Variants in DOHH observed in about 807,000 individuals in gnomAD.
DOHH encodes deoxyhypusine hydroxylase.
A neutral mutation model predicts 19.9 loss-of-function variants in DOHH; 16 were observed. That is an observed-to-expected ratio of 0.80 (90% CI 0.54 to 1.22). DOHH has a LOEUF of 1.22. Among genes scored for constraint, DOHH ranks in the 50% most tolerant of loss-of-function variants. The pLI is 0.00. For synonymous variants in DOHH, 233 were observed against 217.0 expected (o/e 1.07, Z -0.65); for missense variants, 460 against 460.6 (o/e 1.00, Z 0.01).
chr19:3,497,035 C>T (rs2082914337), intron 1 of DOHH, 149 bp from the exon 2 acceptor site: 1 of 494,150 alleles, frequency 2.0e-6, no homozygotes, highest in Non-Finnish European at 3.3e-6. Flanking sequence ...ACTAGCTGTG[C>T]AGCCTTCCGT....
chr19:3,492,215 C>G (rs919477799), intron 4 of DOHH, 47 bp downstream of exon 4: 6 of 1,405,362 alleles, frequency 4.3e-6, no homozygotes, highest in Non-Finnish European at 5.5e-6. Flanking sequence ...CACTGAACCT[C>G]ACAGCGAGGC....
intron 3 of DOHH, among the ~76,000 whole-genome samples, chr19:3,492,777 G>A (rs369549125): frequency 1.4e-4 from 21 of 152,170 alleles, no homozygotes; most frequent in Non-Finnish European, 2.5e-4. Context: ...GGGAAGCAGC[G>A]GTGGAAAGGC....
chr19:3,496,757 G>T lies in DOHH; in HGVS notation c.58C>A (p.Pro20Thr). Residue 20 changes from proline (P) to threonine (T), a missense_variant, in exon 2 of 5, where the codon CCC becomes ACC. By Grantham distance (38) the Pro-to-Thr change is conservative (BLOSUM62 -1). Coordinates refer to ENST00000427575, the MANE Select transcript of DOHH (RefSeq NM_001145165.2). This position sits in a 1 kb window ranked among gnomAD's most constrained non-coding sequence, Gnocchi z 4.8. ...IGQTLVDPKQ[P>T]LQARFRALFT... ...AGCGCCCGGAAGCGGGCCTGCAGGG[G>T]CTGCTTGGGGTCCACCAGCGTCTGC... The T allele has an allele frequency of 6.2e-7, 1 of 1,609,098 alleles. No homozygotes were observed. Among genetic ancestry groups the T allele is most frequent in the South Asian group, 1.1e-5 (1 of 90,982 alleles).
At position 3,494,124 on chromosome 19, in the gene DOHH, G is replaced by C; in HGVS notation, c.275-20C>G. 1 of 1,610,442 alleles carries C rather than the reference G, an allele frequency of 6.2e-7. No homozygotes were observed. ...CCTCCCCTGGGAAGAAGCAGCCGGA[G>C]AGCTCATGTTGGTGGGGTGGATGTG... On this transcript the variant is annotated intron_variant, in intron 2 of 4. Transcript: ENST00000427575.
intron 1 of DOHH, among the ~76,000 whole-genome samples, chr19:3,499,112 T>G (rs1407789405): frequency 6.6e-6 from 1 of 152,118 alleles, no homozygotes; most frequent in Non-Finnish European, 1.5e-5. Context: ...ACTCTCTTCC[T>G]CCCCAGTTAA....
chr19:3,496,858 TA>T lies in DOHH; in HGVS notation c.-45del. 1 of 1,450,604 alleles carries T rather than the reference TA, an allele frequency of 6.9e-7. No homozygotes were observed. The highest frequency in any genetic ancestry group is 9.1e-7 in the Non-Finnish European group (1 of 1,098,408). 89.9% of individuals were successfully genotyped at this position (1,450,604 alleles called of 1,614,324 possible). A position where few individuals can be genotyped will look rare whatever the true frequency, so the allele number is the denominator to read the frequency against. ...CGGCCTTCCACAACCCTGCTCAGGC[TA>T]AACCTGGGGACGCGGGGATGTAAGA... On this transcript the variant is annotated 5_prime_UTR_variant, in exon 2 of 5. Coordinates refer to ENST00000427575, the MANE Select transcript of DOHH (RefSeq NM_001145165.2). This position sits in a 1 kb window ranked among gnomAD's most constrained non-coding sequence, Gnocchi z 4.8.
Position 3,491,387 on chromosome 19 carries a change from C to G in DOHH, c.*105G>C. 1 of 1,239,732 alleles carries G rather than the reference C, an allele frequency of 8.1e-7. No homozygotes were observed. Among genetic ancestry groups the G allele is most frequent in the Non-Finnish European group, 1.1e-6 (1 of 905,620 alleles). The allele number at this position is 1,239,732 out of a possible 1,614,324, so 76.8% of individuals were successfully genotyped here. ...CAGCAACCATGCGCCCAGCAAGACA[C>G]AAGCGATGACACCGATTTACACACA... On this transcript the variant is annotated 3_prime_UTR_variant, in exon 5 of 5. Transcript: ENST00000427575. The surrounding 1 kb of genome is among the most constrained non-coding windows in gnomAD (Gnocchi z 5.6).
chr19:3,499,039 A>G (rs149608132), intron 1 of DOHH, among the ~76,000 whole-genome samples: 1 of 152,340 alleles, frequency 6.6e-6, no homozygotes, highest in African/African-American at 2.4e-5. Flanking sequence ...AAACTTTGTC[A>G]TTTTGAGTTG....
Position 3,490,956 on chromosome 19 carries a change from T to G in DOHH, c.*536A>C. ...CTACCCAGGCCTCGGGGTGGGGGAG[T>G]CAGAGGCCCCCAGACCCTGTGTCCC... On this transcript the variant is annotated 3_prime_UTR_variant, in exon 5 of 5. Transcript: ENST00000427575. 3 of 162,586 alleles carry G rather than the reference T, an allele frequency of 1.8e-5. No individual in the cohort carries two copies. Among genetic ancestry groups the G allele is most frequent in the Non-Finnish European group, 2.6e-5 (2 of 75,840 alleles). The allele number at this position is 162,586 out of a possible 1,614,324, so 10.1% of individuals were successfully genotyped here.
Position 3,491,852 on chromosome 19 carries a change from G to A in DOHH, c.590-41C>T. On this transcript the variant is annotated intron_variant, in intron 4 of 4. Coordinates refer to ENST00000427575, the MANE Select transcript of DOHH (RefSeq NM_001145165.2). The surrounding 1 kb of genome is among the most constrained non-coding windows in gnomAD (Gnocchi z 5.6). The stretch of plus-strand genomic sequence containing the variant: ...ACACTCGCTGGGGCCAGGAGGGGTG[G>A]GAAGGGGAGCTCTGTCTTTTCGAAG... 1 of 1,411,180 alleles carries A rather than the reference G, an allele frequency of 7.1e-7. No homozygotes were observed. Among genetic ancestry groups the A allele is most frequent in the East Asian group, 2.8e-5 (1 of 35,466 alleles). 87.4% of individuals were successfully genotyped at this position (1,411,180 alleles called of 1,614,324 possible). A position where few individuals can be genotyped will look rare whatever the true frequency, so the allele number is the denominator to read the frequency against.
At chr19:3,494,185 AC>A in intron 2 of DOHH, 81 bp from the exon 3 acceptor site, 1 of 1,274,312 alleles carries the variant, frequency 7.8e-7, no homozygotes. Context: ...ACCGGAGGAC[AC>A]CCCTCCCAGG....
At chr19:3,493,716 G>A (rs946212949) in intron 3 of DOHH, among the ~76,000 whole-genome samples, 17 of 152,176 alleles carry the variant, frequency 1.1e-4, no homozygotes, top group Non-Finnish European at 1.8e-4. Context: ...GGGTTCAGAG[G>A]GGTCTTGGCA....
chr19:3,498,491 T>C (rs73523889), intron 1 of DOHH, among the ~76,000 whole-genome samples: 12,288 of 151,990 alleles, frequency 0.081, 1,744 homozygotes, highest in African/African-American at 0.28. Flanking sequence ...CCACAACCTA[T>C]GCTTCCAGGG....
intron 1 of DOHH, among the ~76,000 whole-genome samples, chr19:3,499,497 G>C (rs1330423659): frequency 2.6e-5 from 4 of 152,214 alleles, no homozygotes; most frequent in Non-Finnish European, 4.4e-5. Context: ...AACCGGCTGG[G>C]CGCGGTGGCT....
In DOHH at chr19:3,492,273, G is replaced by A; in HGVS notation, c.578C>T (p.Ala193Val). The A allele has an allele frequency of 6.7e-6, 10 of 1,483,910 alleles. No individual in the cohort carries two copies. Among genetic ancestry groups the A allele is most frequent in the South Asian group, 1.4e-5 (1 of 73,526 alleles). The allele number at this position is 1,483,910 out of a possible 1,614,324, so 91.9% of individuals were successfully genotyped here. A position where few individuals can be genotyped will look rare whatever the true frequency, so the allele number is the denominator to read the frequency against. The change falls in exon 4 of 5, where the codon GCG becomes GTG. Residue 193 changes from alanine to valine, a missense_variant. Physicochemically the swap from Ala to Val is moderately conservative, Grantham distance 64 (BLOSUM62 0). Coordinates refer to ENST00000427575, the MANE Select transcript of DOHH (RefSeq NM_001145165.2). Reference sequence around the variant, plus strand: ...AAGCCCCTCCTCACCCTCGGCCAGCGCCAGGGCGGCCTCCTCGCCTCCCGC... The same window carrying A: ...AAGCCCCTCCTCACCCTCGGCCAGCACCAGGGCGGCCTCCTCGCCTCCCGC... The part of the protein sequence containing the change: ...RNAGGEEAAL[A>V]LAEGLHCGSA...
chr19:3,491,672 C>A lies in DOHH; in HGVS notation c.729G>T (p.Ala243=). The change falls in exon 5 of 5, where the codon GCG becomes GCT. Residue 243 remains alanine (A), a synonymous_variant. Coordinates refer to ENST00000427575, the MANE Select transcript of DOHH (RefSeq NM_001145165.2). This position sits in a 1 kb window ranked among gnomAD's most constrained non-coding sequence, Gnocchi z 5.6. ...TENPMVRHEC[A]EALGAIARPA... Reference sequence around the variant, plus strand: ...GCCGGGCAATGGCGCCCAGGGCCTCCGCGCACTCGTGCCGCACCATGGGGT... The same window carrying A: ...GCCGGGCAATGGCGCCCAGGGCCTCAGCGCACTCGTGCCGCACCATGGGGT... 6.5e-7 allele frequency: 1 copy of A among 1,534,544 alleles called. No individual in the cohort carries two copies.
rs1216325199 is a variant in DOHH at position 3,491,802 on chromosome 19, C to T, written c.599G>A (p.Cys200Tyr). 5 of 1,479,300 alleles carry T rather than the reference C, an allele frequency of 3.4e-6. No homozygotes were observed. The highest frequency in any genetic ancestry group is 2.7e-5 in the South Asian group (2 of 74,310). The allele number at this position is 1,479,300 out of a possible 1,614,324, so 91.6% of individuals were successfully genotyped here. A position where few individuals can be genotyped will look rare whatever the true frequency, so the allele number is the denominator to read the frequency against. ...AALALAEGLH[C>Y]GSALFRHEVG... ...CTCGTGGCGGAAGAGGGCGCTCCCA[C>T]AGTGCAGACCTGCAGGGGAGAGGGA... The change falls in exon 5 of 5, where the codon TGT becomes TAT. Residue 200 changes from cysteine (C) to tyrosine (Y), a missense_variant. Physicochemically the swap from Cys to Tyr is radical, Grantham distance 194. Coordinates refer to ENST00000427575, the MANE Select transcript of DOHH (RefSeq NM_001145165.2). This position sits in a 1 kb window ranked among gnomAD's most constrained non-coding sequence, Gnocchi z 5.6.
chr19:3,500,604 C>G lies in DOHH; in HGVS notation c.-116G>C, dbSNP rs1368066985. On this transcript the variant is annotated 5_prime_UTR_variant, in exon 1 of 5. Coordinates refer to ENST00000427575, the MANE Select transcript of DOHH (RefSeq NM_001145165.2). Reference sequence around the variant, plus strand: ...GACCCGTCGGCCCGGCCAGTAACCGCAGGCGCCTCTGCCACCACCGCTTCA... The same window carrying G: ...GACCCGTCGGCCCGGCCAGTAACCGGAGGCGCCTCTGCCACCACCGCTTCA... 6.6e-6 allele frequency: 1 copy of G among 152,274 alleles called. No homozygotes were observed. The highest frequency in any genetic ancestry group is 1.5e-5 in the Non-Finnish European group (1 of 68,080). The allele number at this position is 152,274 out of a possible 1,614,324, so 9.4% of individuals were successfully genotyped here.
intron 3 of DOHH, 67 bp from the exon 4 acceptor site, chr19:3,492,566 C>T (rs1284331743): frequency 1.6e-6 from 2 of 1,244,298 alleles, no homozygotes; most frequent in South Asian, 1.9e-5. Flanking sequence ...CCCCACCCCC[C>T]GGGATGGCAG....
Sources: gnomAD v4.1 joint callset for allele counts (sites outside exome capture counted in the v4.1 genomes callset) on GRCh38, gnomAD v4.1.1 for gene constraint, Gnocchi (gnomAD v3.1) non-coding constraint, MANE v1.5 for transcripts, NCBI Gene and HGNC (gene_info 2026-07-23, HGNC 2026-07-21) for gene names.